The following SNX29 variants were observed in gnomAD, a reference collection of about 807,000 sequenced individuals.
The protein encoded by SNX29 is sorting nexin-29.
Under a neutral mutation model 102.1 loss-of-function variants are expected in SNX29, and 78 were observed. The ratio of observed to expected loss-of-function variants is 0.76; its 90% CI spans 0.64 to 0.92. The LOEUF is 0.92. Ranked by LOEUF, SNX29 falls within the 40% of genes least tolerant of loss-of-function variation. The pLI is 0.00. For missense variants in SNX29, 1,280 were observed against 1,061.7 expected, an observed-to-expected ratio of 1.21 and a Z score of -2.86; for synonymous variants, 580 against 414.5, an observed-to-expected ratio of 1.40 and a Z score of -4.85.
Position 12,483,319 on chromosome 16 carries a change from CTTTTTTT to C in SNX29, c.2178+5469_2178+5475del, listed in dbSNP as rs71139599. Among the ~76,000 whole-genome samples the C allele has an allele frequency of 5.0e-3, 680 of 134,770 alleles. 7 individuals are homozygous for C. Among genetic ancestry groups the C allele is most frequent in the African/African-American group, 0.018 (659 of 36,220 alleles). The allele number at this position is 134,770 out of a possible 152,430, so 88.4% of individuals were successfully genotyped here. ...CCACTGCACCTGGCCATTTACTTTT[CTTTTTTT>C]TTTTTTTTCCAGACGGAGTCTTGCT... On this transcript the variant is annotated intron_variant, in intron 19 of 20. Transcript: ENST00000566228.
At chr16:12,272,081 G>A (rs901374352) in intron 14 of SNX29, among the ~76,000 whole-genome samples, 5 of 152,218 alleles carry the variant, frequency 3.3e-5, no homozygotes, top group Non-Finnish European at 7.3e-5. Flanking sequence ...AAGGTTGACT[G>A]GCTAGTTGCT....
At position 12,570,590 on chromosome 16, in the gene SNX29, C is replaced by T. The variant is rs2079166675; in HGVS notation, c.*1961C>T. On this transcript the variant is annotated 3_prime_UTR_variant, in exon 21 of 21. Coordinates refer to ENST00000566228, the MANE Select transcript of SNX29 (RefSeq NM_032167.5). ...AGGAGTGCCTCCCTGGCCTGGGTAG[C>T]TACCCTGGAGGTCATCTCCCTGTTC... 1 of 232,198 alleles carries T rather than the reference C, an allele frequency of 4.3e-6. No individual in the cohort carries two copies. Among genetic ancestry groups the T allele is most frequent in the Middle Eastern group, 1.3e-3 (1 of 782 alleles). The allele number at this position is 232,198 out of a possible 1,614,324, so 14.4% of individuals were successfully genotyped here.
chr16:12,520,234 C>A (rs934751656), intron 19 of SNX29, among the ~76,000 whole-genome samples: 1 of 152,150 alleles, frequency 6.6e-6, no homozygotes. Flanking sequence ...GCCCCTGCAC[C>A]CAGGTGTCAG....
At chr16:12,186,054 T>A (rs953933590) in intron 13 of SNX29, among the ~76,000 whole-genome samples, 1 of 152,202 alleles carries the variant, frequency 6.6e-6, no homozygotes, top group African/African-American at 2.4e-5. Context: ...TCCCAGATAC[T>A]GTTTATTATT....
At chr16:12,552,000 G>C (rs1281017151) in intron 20 of SNX29, among the ~76,000 whole-genome samples, 1 of 152,212 alleles carries the variant, frequency 6.6e-6, no homozygotes, top group South Asian at 2.1e-4. Context: ...AGCTCCTGCT[G>C]GTCCCTGTCT....
At position 12,328,219 on chromosome 16, in the gene SNX29, G is replaced by A. The variant is rs141348690; in HGVS notation, c.1783-27944G>A. Among the ~76,000 whole-genome samples the A allele has an allele frequency of 3.7e-4, 57 of 152,272 alleles. 1 individual carries two copies. The highest frequency in any genetic ancestry group is 9.2e-4 in the Admixed American group (14 of 15,290). ...CTCTAGTTGTTCTTTTATCCTAGCT[G>A]TTGCTTTTATTATTTTACTACTACT... On this transcript the variant is annotated intron_variant, in intron 15 of 20. Transcript: ENST00000566228.
intron 14 of SNX29, among the ~76,000 whole-genome samples, chr16:12,229,888 G>C (rs188651045): frequency 6.6e-5 from 10 of 152,282 alleles, no homozygotes; most frequent in Admixed American, 6.5e-4. Context: ...AGATAATTCA[G>C]AGGAACTGCT....
At chr16:12,364,561 G>A (rs977499015) in intron 16 of SNX29, among the ~76,000 whole-genome samples, 2 of 152,074 alleles carry the variant, frequency 1.3e-5, no homozygotes, top group Non-Finnish European at 2.9e-5. Context: ...GTTTGAGTAA[G>A]AAATGGAGAC....
At chr16:12,564,133 A>T (rs2078887676) in intron 20 of SNX29, among the ~76,000 whole-genome samples, 1 of 152,154 alleles carries the variant, frequency 6.6e-6, no homozygotes, top group Admixed American at 6.5e-5. Flanking sequence ...TCGTGCCTAT[A>T]ATCCCAGCAC....
intron 10 of SNX29, among the ~76,000 whole-genome samples, chr16:12,071,547 G>C (rs1346949136): frequency 6.6e-6 from 1 of 152,174 alleles, no homozygotes; most frequent in Non-Finnish European, 1.5e-5. Context: ...TTTGGTACCA[G>C]TACCATGCTG....
chr16:12,329,525 T>C (rs1286328552), intron 15 of SNX29, among the ~76,000 whole-genome samples: 1 of 152,188 alleles, frequency 6.6e-6, no homozygotes, highest in Non-Finnish European at 1.5e-5. Flanking sequence ...GGTTCCTAGC[T>C]GGGAACTAGC....
intron 14 of SNX29, among the ~76,000 whole-genome samples, chr16:12,216,436 A>G (rs528751686): frequency 1.3e-5 from 2 of 152,336 alleles, no homozygotes; most frequent in African/African-American, 4.8e-5. Context: ...TGAAGGTACA[A>G]TGTGAGTGTA....
chr16:12,232,704 G>A (rs2077807012), intron 14 of SNX29, among the ~76,000 whole-genome samples: 1 of 152,112 alleles, frequency 6.6e-6, no homozygotes, highest in African/African-American at 2.4e-5. Context: ...TTCTTTTTGA[G>A]ACAGAGTCTC....
intron 11 of SNX29, among the ~76,000 whole-genome samples, chr16:12,125,603 CTCTTTTTTTTTTTTTTTTTTTTTT>C (rs2054174869): frequency 1.4e-5 from 1 of 71,496 alleles, no homozygotes; most frequent in Non-Finnish European, 2.7e-5. Flanking sequence ...GCTGAGATCT[CTCTTTTTTTTTTTTTTTTTTTTTT>C]TTTTTTTTTT....
chr16:12,523,764 C>T (rs989050360), intron 19 of SNX29, among the ~76,000 whole-genome samples: 1 of 152,176 alleles, frequency 6.6e-6, no homozygotes, highest in African/African-American at 2.4e-5. Context: ...CACAGAGCCC[C>T]TGATCACTGA....
chr16:12,522,404 C>T (rs939765086), intron 19 of SNX29, among the ~76,000 whole-genome samples: 1 of 152,142 alleles, frequency 6.6e-6, no homozygotes, highest in South Asian at 2.1e-4. Context: ...CTCTTCTCTT[C>T]TTTTTATTCT....
chr16:12,407,977 T>C (rs139304056), intron 18 of SNX29, among the ~76,000 whole-genome samples: 11 of 152,170 alleles, frequency 7.2e-5, no homozygotes, highest in African/African-American at 2.6e-4. Context: ...CGCAACACAG[T>C]GAGACCCTGT....
At chr16:12,568,184 G>C (rs573536331) in intron 20 of SNX29, among the ~76,000 whole-genome samples, 1 of 151,924 alleles carries the variant, frequency 6.6e-6, no homozygotes, top group East Asian at 1.9e-4. Flanking sequence ...CAAGGAAAAT[G>C]TGGGGAAGAA....
intron 11 of SNX29, among the ~76,000 whole-genome samples, chr16:12,116,543 G>A (rs1415315026): frequency 2.6e-5 from 4 of 152,034 alleles, no homozygotes; most frequent in African/African-American, 9.7e-5. Flanking sequence ...GTGTGGTGGC[G>A]GGCACTTGTG....
Sources: gnomAD v4.1 joint callset for allele counts (sites outside exome capture counted in the v4.1 genomes callset) on GRCh38, gnomAD v4.1.1 for gene constraint, MANE v1.5 for transcripts, NCBI Gene and HGNC (gene_info 2026-07-23, HGNC 2026-07-21) for gene names.